Variants in SV2C observed in about 807,000 individuals in gnomAD.
The protein encoded by SV2C is solute carrier family 22 member B3.
A neutral mutation model predicts 79.7 loss-of-function variants in SV2C; 49 were observed. The ratio of observed to expected loss-of-function variants is 0.61; its 90% CI spans 0.49 to 0.78. The LOEUF (loss-of-function observed/expected upper bound fraction) is 0.78. Among genes scored for constraint, SV2C ranks in the 30% least tolerant of loss-of-function variants. SV2C has a pLI of 0.00. For synonymous variants in SV2C, 334 were observed against 333.2 expected, an observed-to-expected ratio of 1.00 and a Z score of -0.03; for missense variants, 833 against 912.9, an observed-to-expected ratio of 0.91 and a Z score of 1.13.
the SV2C span, among the ~76,000 whole-genome samples, chr5:75,924,582 A>G: frequency 3.4e-4 from 52 of 152,280 alleles, no homozygotes; most frequent in African/African-American, 1.2e-3. Flanking sequence ...TAACTATCAC[A>G]TATGCTGCCT....
chr5:76,280,889 C>T (rs529965997), intron 4 of SV2C: 60 of 481,024 alleles, frequency 1.2e-4, no homozygotes, highest in Middle Eastern at 1.4e-3. Context: ...CAAGTTCAGC[C>T]GACAAGTGAG....
intron 12 of SV2C, among the ~76,000 whole-genome samples, chr5:76,319,712 A>G (rs1748763088): frequency 1.3e-5 from 2 of 152,198 alleles, no homozygotes. Context: ...GAAGTCATCC[A>G]TTCCTCGAGT....
chr5:76,048,973 A>AAGAAAGAAAGAAAGAAAGAAAGAC, the SV2C span, among the ~76,000 whole-genome samples: 1 of 73,976 alleles, frequency 1.4e-5, no homozygotes, highest in South Asian at 6.9e-4. Context: ...AAGAGAAAGA[A>AAGAAAGAAAGAAAGAAAGAAAGAC]AGAAAGAAAG....
the SV2C span, among the ~76,000 whole-genome samples, chr5:75,973,422 G>A: frequency 6.6e-6 from 1 of 151,810 alleles, no homozygotes; most frequent in Non-Finnish European, 1.5e-5. Context: ...TTGAGCCAAG[G>A]AGTTCAAGGT....
At chr5:75,968,785 T>G in the SV2C span, among the ~76,000 whole-genome samples, 2 of 152,110 alleles carry the variant, frequency 1.3e-5, no homozygotes, top group East Asian at 1.9e-4. Flanking sequence ...CCCCAACCTA[T>G]CAAAGTAGGC....
the SV2C span, chr5:75,910,337 A>G: frequency 3.6e-6 from 2 of 552,190 alleles, no homozygotes; most frequent in Non-Finnish European, 7.1e-6. Context: ...GTCTTCCCAA[A>G]GGAGATCATT....
At chr5:76,336,523 C>A (rs1749330085), downstream of SV2C, among the ~76,000 whole-genome samples, 3 of 152,114 alleles carry the variant, frequency 2.0e-5, no homozygotes, top group South Asian at 2.1e-4. Flanking sequence ...TCTCGGCACC[C>A]CGGGAGGCCA....
the SV2C span, among the ~76,000 whole-genome samples, chr5:76,012,964 A>G: frequency 1.1e-3 from 170 of 152,190 alleles, 2 homozygotes; most frequent in African/African-American, 3.6e-3. Flanking sequence ...TTTGGTCTAT[A>G]TATCTGTTTT....
chr5:75,985,097 C>T, the SV2C span, among the ~76,000 whole-genome samples: 12 of 151,854 alleles, frequency 7.9e-5, no homozygotes, highest in South Asian at 2.1e-4. Flanking sequence ...TGAGGGTCTC[C>T]GGCTGCTTCA....
chr5:76,342,050 G>A (rs1177506192), intron 12 of SV2C, among the ~76,000 whole-genome samples: 3 of 152,312 alleles, frequency 2.0e-5, no homozygotes, highest in Non-Finnish European at 4.4e-5. Flanking sequence ...TCCCACAAAA[G>A]CAGCCTGCAC....
the SV2C span, among the ~76,000 whole-genome samples, chr5:76,018,311 G>A: frequency 6.6e-6 from 1 of 152,110 alleles, no homozygotes; most frequent in Non-Finnish European, 1.5e-5. Context: ...ACTTGAGATA[G>A]TAATTGACTT....
chr5:75,882,375 C>T, the SV2C span, among the ~76,000 whole-genome samples: 77,828 of 138,382 alleles, frequency 0.56, 25,036 homozygotes, highest in African/African-American at 0.78. Context: ...CCAATGACTT[C>T]CTTCACAGAA....
In SV2C at chr5:76,209,849, A is replaced by ACGCCT; in HGVS notation, c.877_881dup (p.Ala295ProfsTer66). ...ATGTTCTGGATGATCGGTGGCATCTACGCCTCTGCCATGGCCTGGGCCATC... is the reference window on the plus strand; with the variant it reads ...ATGTTCTGGATGATCGGTGGCATCTACGCCTCGCCTCTGCCATGGCCTGGGCCATC... On this transcript the variant is annotated frameshift_variant, in exon 4 of 13. Transcript: ENST00000502798. LOFTEE classifies it high-confidence loss of function. 1 of 1,614,150 alleles carries ACGCCT rather than the reference A, an allele frequency of 6.2e-7. No homozygotes were observed.
At chr5:76,030,273 T>TA in the SV2C span, among the ~76,000 whole-genome samples, 138 of 103,032 alleles carry the variant, frequency 1.3e-3, 4 homozygotes, top group African/African-American at 7.2e-3. Flanking sequence ...CTTGTTTTTT[T>TA]TTTTTTTTTT....
chr5:76,113,582 CAT>C (rs1748163244), intron 1 of SV2C, among the ~76,000 whole-genome samples: 1 of 152,174 alleles, frequency 6.6e-6, no homozygotes, highest in Non-Finnish European at 1.5e-5. Flanking sequence ...AGTTCTCAAA[CAT>C]TGGTGGAATA....
chr5:76,072,781 C>G, the SV2C span, among the ~76,000 whole-genome samples: 1 of 152,036 alleles, frequency 6.6e-6, no homozygotes, highest in Admixed American at 6.6e-5. Flanking sequence ...TATTTTGATT[C>G]TGATTATGGC....
chr5:75,896,228 A>G, the SV2C span, among the ~76,000 whole-genome samples: 39 of 88,486 alleles, frequency 4.4e-4, no homozygotes, highest in African/African-American at 1.6e-3. Flanking sequence ...CCTACCCCAC[A>G]ACAGTCCCCA....
At chr5:75,969,822 C>A in the SV2C span, among the ~76,000 whole-genome samples, 1 of 152,042 alleles carries the variant, frequency 6.6e-6, no homozygotes, top group African/African-American at 2.4e-5. Flanking sequence ...ACCAAGCAGA[C>A]CTAATAGACA....
At chr5:76,056,754 G>A in the SV2C span, among the ~76,000 whole-genome samples, 1 of 151,216 alleles carries the variant, frequency 6.6e-6, no homozygotes, top group South Asian at 2.1e-4. Flanking sequence ...ATGTGTCCAG[G>A]AATTTATCCA....
Sources: gnomAD v4.1 joint callset for allele counts (sites outside exome capture counted in the v4.1 genomes callset) on GRCh38, gnomAD v4.1.1 for gene constraint, MANE v1.5 for transcripts, NCBI Gene and HGNC (gene_info 2026-07-23, HGNC 2026-07-21) for gene names.